Variants in KLHL13 observed in about 807,000 individuals in gnomAD.
KLHL13 encodes the protein kelch-like protein 13.
Under a neutral mutation model 37.1 loss-of-function variants are expected in KLHL13, and 10 were observed. The observed-to-expected ratio is 0.27, with a 90% CI of 0.17 to 0.46. KLHL13 has a LOEUF of 0.46. Ranked by LOEUF, KLHL13 falls within the 20% of genes least tolerant of loss-of-function variation. The pLI, the probability that KLHL13 is intolerant of heterozygous loss-of-function variation, is 1.00. For missense variants in KLHL13, 360 were observed against 509.3 expected (o/e 0.71, Z 2.82); for synonymous variants, 163 against 181.2 (o/e 0.90, Z 0.81).
chrX:117,979,070 A>G (rs953231637), intron 1 of KLHL13, among the ~76,000 whole-genome samples: 1 of 110,859 alleles, frequency 9.0e-6, no homozygotes, highest in Non-Finnish European at 1.9e-5. Context: ...AGCTGGGATT[A>G]CAGGCATGCG....
chrX:117,963,750 G>C (rs1384034588), intron 1 of KLHL13, among the ~76,000 whole-genome samples: 1 of 99,818 alleles, frequency 1.0e-5, no homozygotes, highest in African/African-American at 3.7e-5. Context: ...ACTTTTTAAT[G>C]ATTGCCATTC....
intron 1 of KLHL13, among the ~76,000 whole-genome samples, chrX:117,950,498 T>C (rs1392223692): frequency 1.8e-5 from 2 of 111,697 alleles, no homozygotes; most frequent in African/African-American, 6.5e-5. Context: ...AGAAAGTCTC[T>C]TGCATTAGTG....
intron 1 of KLHL13, among the ~76,000 whole-genome samples, chrX:118,075,298 C>T (rs781525599): frequency 8.3e-4 from 92 of 111,097 alleles, no homozygotes; most frequent in Non-Finnish European, 1.5e-3. Context: ...ATGTGTAACT[C>T]AAAAAAAGAT....
intron 1 of KLHL13, among the ~76,000 whole-genome samples, chrX:117,968,289 A>T (rs2053470062): frequency 8.9e-6 from 1 of 112,091 alleles, no homozygotes; most frequent in Non-Finnish European, 1.9e-5. Context: ...TTGGTGAGGT[A>T]GTGAGCCCTT....
At chrX:117,905,953 T>TTA (rs1930498361) in intron 5 of KLHL13, among the ~76,000 whole-genome samples, 1 of 111,601 alleles carries the variant, frequency 9.0e-6, no homozygotes, top group African/African-American at 3.3e-5. Context: ...CTTTTTATAA[T>TTA]TATATACAGG....
chrX:118,017,790 G>T (rs766277943), intron 1 of KLHL13, among the ~76,000 whole-genome samples: 1 of 111,663 alleles, frequency 9.0e-6, no homozygotes, highest in African/African-American at 3.2e-5. Flanking sequence ...TGTTAAAATG[G>T]TAAAAATATG....
At chrX:118,023,220 T>C (rs1426095722) in intron 1 of KLHL13, among the ~76,000 whole-genome samples, 1 of 111,699 alleles carries the variant, frequency 9.0e-6, no homozygotes, top group Non-Finnish European at 1.9e-5. Context: ...ATATTCAATA[T>C]TATGTTGATT....
intron 1 of KLHL13, among the ~76,000 whole-genome samples, chrX:117,996,643 T>C (rs1302650733): frequency 1.8e-5 from 2 of 111,272 alleles, no homozygotes; most frequent in Non-Finnish European, 3.8e-5. Flanking sequence ...TTTACCTGCA[T>C]AGTCTTAACT....
In KLHL13 at chrX:118,111,851, C is replaced by T. The variant is rs746430970; in HGVS notation, c.-56+4657G>A. ...AGGTTGCAGTGAGCCGGGATCATGC[C>T]ACTGCACTCCAGCCTGAACGATAGA... is the stretch of plus-strand genomic sequence containing the variant. On this transcript the variant is annotated intron_variant, in intron 1 of 6. Transcript: ENST00000371882. Among the ~76,000 whole-genome samples the T allele has an allele frequency of 1.3e-3, 145 of 111,999 alleles. 2 individuals are homozygous for T. The highest frequency in any genetic ancestry group is 6.8e-4 in the Non-Finnish European group (36 of 53,176).
chrX:118,041,405 T>C (rs748587867), intron 1 of KLHL13, among the ~76,000 whole-genome samples: 13 of 110,944 alleles, frequency 1.2e-4, no homozygotes, highest in African/African-American at 3.9e-4. Flanking sequence ...TGCATGCCTA[T>C]AGTCCCAGCT....
At chrX:118,080,578 G>C (rs1416316983) in intron 1 of KLHL13, among the ~76,000 whole-genome samples, 1 of 111,805 alleles carries the variant, frequency 8.9e-6, no homozygotes, top group South Asian at 3.7e-4. Flanking sequence ...TTACACCAGT[G>C]AGAATGGCTG....
At chrX:118,001,528 C>T (rs759531717) in intron 1 of KLHL13, among the ~76,000 whole-genome samples, 5 of 111,462 alleles carry the variant, frequency 4.5e-5, no homozygotes, top group African/African-American at 9.8e-5. Context: ...GTATACAAGG[C>T]TAAATCCTGA....
chrX:118,102,638 T>C lies in KLHL13; in HGVS notation c.-56+13870A>G, dbSNP rs6646088. Among the ~76,000 whole-genome samples, 780 of 112,196 alleles carry C rather than the reference T, an allele frequency of 7.0e-3. 8 individuals carry two copies. The highest frequency in any genetic ancestry group is 0.022 in the African/African-American group (674 of 30,976). ...TTCTGTTGAATTAATTTGTGTAAAA[T>C]ACCTCATTTTCTCTCATTAGAGAAA... On this transcript the variant is annotated intron_variant, in intron 1 of 6. Coordinates refer to the KLHL13 transcript ENST00000371882.
At chrX:118,078,626 T>C (rs2054954243) in intron 1 of KLHL13, among the ~76,000 whole-genome samples, 1 of 111,868 alleles carries the variant, frequency 8.9e-6, no homozygotes, top group Non-Finnish European at 1.9e-5. Context: ...TAGTATATTT[T>C]GGTGTACATA....
chrX:117,986,848 T>C (rs1399696237), intron 1 of KLHL13, among the ~76,000 whole-genome samples: 2 of 111,935 alleles, frequency 1.8e-5, no homozygotes, highest in Admixed American at 1.9e-4. Flanking sequence ...GCACTCAATG[T>C]TGAAGAAATC....
chrX:117,975,787 A>C (rs1308923750), upstream of KLHL13, among the ~76,000 whole-genome samples: 1 of 112,259 alleles, frequency 8.9e-6, no homozygotes, highest in African/African-American at 3.2e-5. Context: ...GACTTCTCAA[A>C]CATTGATGAG....
At chrX:118,063,336 G>A (rs1462666084) in intron 1 of KLHL13, among the ~76,000 whole-genome samples, 4 of 111,232 alleles carry the variant, frequency 3.6e-5, no homozygotes, top group African/African-American at 6.5e-5. Context: ...AGCTTCAGAA[G>A]AAGAAAACTG....
chrX:118,058,190 A>G (rs1293373215), intron 1 of KLHL13, among the ~76,000 whole-genome samples: 2 of 111,712 alleles, frequency 1.8e-5, no homozygotes, highest in East Asian at 5.7e-4. Flanking sequence ...TCTCATACTG[A>G]TATCAATAAT....
chrX:118,019,174 A>G (rs933046551), intron 1 of KLHL13, among the ~76,000 whole-genome samples: 1 of 111,266 alleles, frequency 9.0e-6, no homozygotes, highest in Non-Finnish European at 1.9e-5. Context: ...ACCTAACTGC[A>G]AATTTTCATG....
Sources: gnomAD v4.1 joint callset for allele counts (sites outside exome capture counted in the v4.1 genomes callset) on GRCh38, gnomAD v4.1.1 for gene constraint, MANE v1.5 for transcripts, NCBI Gene and HGNC (gene_info 2026-07-23, HGNC 2026-07-21) for gene names.